SHISA9: variants seen among roughly 807,000 people sequenced by gnomAD.
SHISA9 encodes the protein shisa family member 9, also known as protein shisa-9.
Under a neutral mutation model 38.0 loss-of-function variants are expected in SHISA9, and 13 were observed. That is an observed-to-expected ratio of 0.34 (90% CI 0.22 to 0.54). SHISA9 has a LOEUF of 0.54. Among genes scored for constraint, SHISA9 ranks in the 20% least tolerant of loss-of-function variants. The pLI is 0.91. For synonymous variants in SHISA9, 275 were observed against 242.0 expected, an observed-to-expected ratio of 1.14 and a Z score of -1.27; for missense variants, 538 against 575.8, an observed-to-expected ratio of 0.93 and a Z score of 0.67.
chr16:13,003,525 A>G (rs1451493740), intron 2 of SHISA9, among the ~76,000 whole-genome samples: 1 of 152,212 alleles, frequency 6.6e-6, no homozygotes, highest in African/African-American at 2.4e-5. Context: ...GGCAGAGGAC[A>G]TAAAAGCAAC....
the SHISA9 span, among the ~76,000 whole-genome samples, chr16:13,523,357 T>C: frequency 4.0e-5 from 6 of 151,830 alleles, no homozygotes; most frequent in Admixed American, 1.3e-4. Flanking sequence ...CTCAAATAAA[T>C]AAAATAAAAT....
At chr16:13,043,992 C>T (rs1036772685) in intron 2 of SHISA9, among the ~76,000 whole-genome samples, 2 of 152,166 alleles carry the variant, frequency 1.3e-5, no homozygotes, top group African/African-American at 4.8e-5. Flanking sequence ...CTTTGTATCA[C>T]TTTCCAGAAC....
intron 2 of SHISA9, among the ~76,000 whole-genome samples, chr16:12,920,376 C>A (rs1398828619): frequency 1.1e-5 from 1 of 92,300 alleles, no homozygotes; most frequent in Non-Finnish European, 3.1e-5. Context: ...ATATTTACAG[C>A]AGAAAGGTTG....
Position 13,006,421 on chromosome 16 carries a change from C to T in SHISA9, c.691+89606C>T, listed in dbSNP as rs971973583. ...AACCTGTGACAGTATTTATCAAGCACGTTCTCTGTCTCTCCAACTTGTGAC... is the reference window on the plus strand; with the variant it reads ...AACCTGTGACAGTATTTATCAAGCATGTTCTCTGTCTCTCCAACTTGTGAC... On this transcript the variant is annotated intron_variant, in intron 2 of 4. Coordinates refer to ENST00000558583, the MANE Select transcript of SHISA9 (RefSeq NM_001145204.3). Among the ~76,000 whole-genome samples, 70 of 152,302 alleles carry T rather than the reference C, an allele frequency of 4.6e-4. 3 individuals carry two copies. Among genetic ancestry groups the T allele is most frequent in the African/African-American group, 1.7e-4 (7 of 41,568 alleles).
chr16:13,478,171 C>T, the SHISA9 span, among the ~76,000 whole-genome samples: 21 of 152,242 alleles, frequency 1.4e-4, no homozygotes, highest in East Asian at 5.8e-4. Flanking sequence ...GGGGTCTTGA[C>T]GGCATCTCAT....
At chr16:13,368,444 A>C in the SHISA9 span, among the ~76,000 whole-genome samples, 33 of 152,124 alleles carry the variant, frequency 2.2e-4, no homozygotes, top group Admixed American at 2.2e-3. Flanking sequence ...CAATCAGAAG[A>C]AAGGCCAATG....
the SHISA9 span, among the ~76,000 whole-genome samples, chr16:13,320,311 A>AG: frequency 6.6e-6 from 1 of 150,718 alleles, no homozygotes; most frequent in Non-Finnish European, 1.5e-5. Flanking sequence ...AAAAAAAAAA[A>AG]AAAAAAAAAG....
chr16:12,972,041 T>TTGTGTGTGTGTGTGTG (rs72368949), intron 2 of SHISA9, among the ~76,000 whole-genome samples: 124 of 142,040 alleles, frequency 8.7e-4, no homozygotes, highest in South Asian at 1.2e-3. Context: ...CTCTTGGAGT[T>TTGTGTGTGTGTGTGTG]TGTGTGTGTG....
At chr16:13,360,731 G>A in the SHISA9 span, among the ~76,000 whole-genome samples, 2 of 152,186 alleles carry the variant, frequency 1.3e-5, no homozygotes, top group African/African-American at 4.8e-5. Flanking sequence ...GCCTCGCATA[G>A]GTGGAGCCGA....
the SHISA9 span, among the ~76,000 whole-genome samples, chr16:13,502,297 A>G: frequency 6.6e-6 from 1 of 152,190 alleles, no homozygotes; most frequent in South Asian, 2.1e-4. Context: ...GGCTGAGTAC[A>G]TATCATGCAG....
At chr16:13,138,502 A>C (rs969106304) in intron 2 of SHISA9, among the ~76,000 whole-genome samples, 1 of 152,202 alleles carries the variant, frequency 6.6e-6, no homozygotes, top group Admixed American at 6.5e-5. Flanking sequence ...ACTGCCTGGC[A>C]TATAGGAGAT....
chr16:13,403,102 T>C, the SHISA9 span, among the ~76,000 whole-genome samples: 20 of 134,162 alleles, frequency 1.5e-4, no homozygotes, highest in Admixed American at 1.6e-3. Flanking sequence ...AGACTCCGTC[T>C]CAAAAACACA....
the SHISA9 span, among the ~76,000 whole-genome samples, chr16:13,257,098 A>G: frequency 6.6e-6 from 1 of 152,208 alleles, no homozygotes; most frequent in East Asian, 1.9e-4. Context: ...GAAGTTTTGT[A>G]GGAGCAGAGA....
the SHISA9 span, among the ~76,000 whole-genome samples, chr16:13,513,321 T>C: frequency 1.5e-4 from 23 of 152,216 alleles, no homozygotes; most frequent in African/African-American, 5.5e-4. Context: ...TGGCAATTAT[T>C]AAAAAGTCAA....
chr16:13,189,606 C>G (rs1453066584), intron 2 of SHISA9, among the ~76,000 whole-genome samples: 3 of 152,166 alleles, frequency 2.0e-5, no homozygotes, highest in African/African-American at 7.2e-5. Flanking sequence ...CTGAGTTAGC[C>G]TGTGGTAACC....
chr16:12,912,873 C>T (rs1368632333), intron 1 of SHISA9, among the ~76,000 whole-genome samples: 1 of 152,252 alleles, frequency 6.6e-6, no homozygotes, highest in East Asian at 1.9e-4. Flanking sequence ...CTTGCTTGTT[C>T]TCCGAATATC....
chr16:13,274,307 G>C, the SHISA9 span, among the ~76,000 whole-genome samples: 287 of 152,106 alleles, frequency 1.9e-3, 1 homozygote, highest in African/African-American at 6.5e-3. Flanking sequence ...GATGCTCTGG[G>C]TAAATTTCCA....
the SHISA9 span, among the ~76,000 whole-genome samples, chr16:13,494,693 T>C: frequency 2.6e-5 from 4 of 152,162 alleles, no homozygotes; most frequent in Non-Finnish European, 1.5e-5. Flanking sequence ...TTACAGCCAT[T>C]ATAAACCATG....
At chr16:13,151,750 G>A (rs955103514) in intron 2 of SHISA9, among the ~76,000 whole-genome samples, 11 of 152,120 alleles carry the variant, frequency 7.2e-5, no homozygotes, top group East Asian at 3.8e-4. Flanking sequence ...CATTCTGCAC[G>A]TCAGTACATG....
Sources: allele counts gnomAD v4.1 joint callset (sites outside exome capture counted in the v4.1 genomes callset), GRCh38; gene constraint gnomAD v4.1.1; transcripts MANE v1.5; gene names NCBI Gene and HGNC (gene_info 2026-07-23, HGNC 2026-07-21).